TMOD2: variants seen among roughly 807,000 people sequenced by gnomAD.
TMOD2 encodes tropomodulin 2.
A neutral mutation model predicts 39.9 loss-of-function variants in TMOD2; 22 were observed. The ratio of observed to expected loss-of-function variants is 0.55; its 90% CI spans 0.39 to 0.79. The LOEUF (loss-of-function observed/expected upper bound fraction) is 0.79, where lower values mean the gene tolerates loss of function less well. TMOD2 is among the 30% of genes least tolerant of loss of function. The probability of loss-of-function intolerance (pLI) is 0.00; values close to 1 mark genes in which losing one functional copy is unlikely to be tolerated. For synonymous variants in TMOD2, 123 were observed against 146.1 expected (o/e 0.84, Z 1.14); for missense variants, 386 against 413.3 (o/e 0.93, Z 0.57).
At chr15:51,776,855 T>G (rs2055892507) in intron 4 of TMOD2, 77 bp from the exon 5 acceptor site, 1 of 1,201,564 alleles carries the variant, frequency 8.3e-7, no homozygotes, top group East Asian at 2.4e-5. Flanking sequence ...AGAATTGTTC[T>G]TCAAGGGACA....
At chr15:51,757,868 C>T (rs751791550) in intron 1 of TMOD2, among the ~76,000 whole-genome samples, 4 of 152,182 alleles carry the variant, frequency 2.6e-5, no homozygotes, top group Non-Finnish European at 4.4e-5. Context: ...TTTAAAAATA[C>T]AGCCTGGGCA....
intron 8 of TMOD2, among the ~76,000 whole-genome samples, chr15:51,804,273 T>C (rs2056107995): frequency 6.6e-6 from 1 of 152,246 alleles, no homozygotes; most frequent in African/African-American, 2.4e-5. Flanking sequence ...GTTCTTTATA[T>C]GGATGAGGTA....
chr15:51,804,609 G>C (rs2056110242), intron 8 of TMOD2, among the ~76,000 whole-genome samples: 1 of 151,282 alleles, frequency 6.6e-6, no homozygotes, highest in South Asian at 2.1e-4. Context: ...AGCCTACTCT[G>C]TCACCCAGGC....
chr15:51,751,940 C>G (rs1360503810), intron 1 of TMOD2, among the ~76,000 whole-genome samples: 2 of 150,940 alleles, frequency 1.3e-5, no homozygotes. Flanking sequence ...GGGAGGCGCC[C>G]GCCGGGGTGT....
chr15:51,772,215 C>T (rs916381780), intron 3 of TMOD2, among the ~76,000 whole-genome samples: 7 of 151,982 alleles, frequency 4.6e-5, no homozygotes, highest in African/African-American at 9.7e-5. Flanking sequence ...TCCCAATGGG[C>T]GGAAACTGGA....
chr15:51,781,008 A>G, intron 5 of TMOD2, 36 bp from the exon 6 acceptor site: 1 of 1,558,908 alleles, frequency 6.4e-7, no homozygotes, highest in South Asian at 1.2e-5. Flanking sequence ...GATAGGAGAG[A>G]CTTTGCATTT....
At chr15:51,778,557 T>A (rs2055906399) in intron 5 of TMOD2, among the ~76,000 whole-genome samples, 1 of 149,428 alleles carries the variant, frequency 6.7e-6, no homozygotes, top group South Asian at 2.1e-4. Flanking sequence ...AGGGAATTTA[T>A]CTGTCCAGGG....
At chr15:51,801,301 T>G (rs2098721960) in intron 8 of TMOD2, among the ~76,000 whole-genome samples, 1 of 151,550 alleles carries the variant, frequency 6.6e-6, no homozygotes, top group Admixed American at 6.6e-5. Flanking sequence ...TCTCTCTCTC[T>G]CTCTCTCTCT....
chr15:51,776,299 A>G (rs185129389), intron 4 of TMOD2, among the ~76,000 whole-genome samples: 8 of 152,226 alleles, frequency 5.3e-5, no homozygotes, highest in Non-Finnish European at 8.8e-5. Flanking sequence ...AAATCTGCGT[A>G]GCAGTTGCAG....
chr15:51,772,328 A>G (rs2055859168), intron 3 of TMOD2, among the ~76,000 whole-genome samples: 1 of 152,134 alleles, frequency 6.6e-6, no homozygotes, highest in Non-Finnish European at 1.5e-5. Flanking sequence ...AGAGAAACAA[A>G]GAGTCAAAAG....
intron 5 of TMOD2, among the ~76,000 whole-genome samples, chr15:51,779,994 C>T (rs2055918749): frequency 6.6e-6 from 1 of 152,164 alleles, no homozygotes; most frequent in Non-Finnish European, 1.5e-5. Flanking sequence ...TGAATAGATT[C>T]TTTTAACGAA....
intron 7 of TMOD2, among the ~76,000 whole-genome samples, chr15:51,786,836 G>A (rs1376804149): frequency 1.3e-5 from 2 of 152,192 alleles, no homozygotes; most frequent in Non-Finnish European, 2.9e-5. Context: ...ACTGTTTATT[G>A]GAAATAAAAC....
At chr15:51,786,155 T>C (rs1390522942) in intron 7 of TMOD2, among the ~76,000 whole-genome samples, 1 of 152,108 alleles carries the variant, frequency 6.6e-6, no homozygotes, top group Non-Finnish European at 1.5e-5. Context: ...TTCATTCCAA[T>C]TCTAAGATGT....
At chr15:51,764,914 T>A (rs189589792) in intron 1 of TMOD2, among the ~76,000 whole-genome samples, 69 of 152,376 alleles carry the variant, frequency 4.5e-4, no homozygotes, top group African/African-American at 1.6e-3. Flanking sequence ...TCAAACCTAC[T>A]TTTTACATTA....
rs2056172707 is a variant in TMOD2, at chr15:51,813,849, A to T, written c.*5395A>T. 6.6e-6 allele frequency: 1 copy of T among 152,226 alleles called. No homozygotes were observed. The highest frequency in any genetic ancestry group is 2.1e-4 in the South Asian group (1 of 4,834). 9.4% of individuals were successfully genotyped at this position (152,226 alleles called of 1,614,324 possible). A position where few individuals can be genotyped will look rare whatever the true frequency, so the allele number is the denominator to read the frequency against. On this transcript the variant is annotated 3_prime_UTR_variant, in exon 10 of 10. Coordinates refer to ENST00000249700, the MANE Select transcript of TMOD2 (RefSeq NM_014548.4). ...CTGGAAAGCGCCGTACAAATGTGAG[A>T]GATCAGTTTTATTATCAAATCACTG...
At chr15:51,788,549 G>A (rs1436244900) in intron 7 of TMOD2, among the ~76,000 whole-genome samples, 1 of 152,128 alleles carries the variant, frequency 6.6e-6, no homozygotes, top group Non-Finnish European at 1.5e-5. Flanking sequence ...CTCGAGAAGA[G>A]CAACCCCAAG....
At chr15:51,765,496 A>G (rs1374003567) in intron 1 of TMOD2, among the ~76,000 whole-genome samples, 2 of 152,182 alleles carry the variant, frequency 1.3e-5, no homozygotes, top group Non-Finnish European at 2.9e-5. Flanking sequence ...GGCCTGAAAG[A>G]TGTGATTGGT....
intron 1 of TMOD2, among the ~76,000 whole-genome samples, chr15:51,766,005 C>G (rs2055814047): frequency 6.6e-6 from 1 of 152,172 alleles, no homozygotes; most frequent in South Asian, 2.1e-4. Flanking sequence ...CCAGGGAAGG[C>G]AGAGTAGTAT....
At position 51,810,526 on chromosome 15, in the gene TMOD2, A is replaced by G. The variant is rs1209136257; in HGVS notation, c.*2072A>G. ...AATATTTACACCACAGAAATTAGCA[A>G]TATGTAAGAAATTGGGGTTTTCTCC... On this transcript the variant is annotated 3_prime_UTR_variant, in exon 10 of 10. Transcript: ENST00000249700. 2.6e-5 allele frequency: 4 copies of G among 152,200 alleles called. No homozygotes were observed. The highest frequency in any genetic ancestry group is 9.6e-5 in the African/African-American group (4 of 41,464). The allele number at this position is 152,200 out of a possible 1,614,324, so 9.4% of individuals were successfully genotyped here.
Sources: gnomAD v4.1 joint callset for allele counts (sites outside exome capture counted in the v4.1 genomes callset) on GRCh38, gnomAD v4.1.1 for gene constraint, MANE v1.5 for transcripts, NCBI Gene and HGNC (gene_info 2026-07-23, HGNC 2026-07-21) for gene names.